The following HMG20A variants were observed in gnomAD, a reference collection of about 807,000 sequenced individuals.
HMG20A encodes high mobility group 20A.
A neutral mutation model predicts 43.9 loss-of-function variants in HMG20A; 17 were observed. That is an observed-to-expected ratio of 0.39 (90% CI 0.27 to 0.58). The LOEUF is 0.58. Ranked by LOEUF, HMG20A falls within the 20% of genes least tolerant of loss-of-function variation. HMG20A has a pLI of 0.59. For synonymous variants in HMG20A, 132 were observed against 147.5 expected, an observed-to-expected ratio of 0.89 and a Z score of 0.76; for missense variants, 341 against 438.2, an observed-to-expected ratio of 0.78 and a Z score of 1.98.
chr15:77,472,336 A>G (rs1009514470), intron 6 of HMG20A, among the ~76,000 whole-genome samples: 1 of 152,102 alleles, frequency 6.6e-6, no homozygotes, highest in Non-Finnish European at 1.5e-5. Flanking sequence ...GTGCAGTGGC[A>G]CAATCTCAGC....
chr15:77,458,323 G>T, intron 1 of HMG20A, 81 bp from the exon 2 acceptor site: 1 of 875,404 alleles, frequency 1.1e-6, no homozygotes, highest in Non-Finnish European at 1.9e-6. Flanking sequence ...TAAAGTTCAA[G>T]AAGGCTGGCT....
the HMG20A span, among the ~76,000 whole-genome samples, chr15:77,510,195 C>T: frequency 2.0e-5 from 3 of 152,160 alleles, no homozygotes; most frequent in African/African-American, 7.2e-5. Flanking sequence ...CAAACACTCA[C>T]TGGAAGGCTC....
At chr15:77,427,967 A>G (rs1295132497) in intron 1 of HMG20A, among the ~76,000 whole-genome samples, 3 of 152,218 alleles carry the variant, frequency 2.0e-5, no homozygotes, top group Admixed American at 6.5e-5. Context: ...CAGATCCTCT[A>G]AGGCCAGTGT....
intron 4 of HMG20A, among the ~76,000 whole-genome samples, chr15:77,467,999 T>TGAAAGATATCTG (rs1567404054): frequency 6.6e-6 from 1 of 152,264 alleles, no homozygotes; most frequent in East Asian, 1.9e-4. Flanking sequence ...CTTTTACGTC[T>TGAAAGATATCTG]TAAACTCTTT....
At chr15:77,506,635 G>C in the HMG20A span, among the ~76,000 whole-genome samples, 1 of 152,198 alleles carries the variant, frequency 6.6e-6, no homozygotes. Flanking sequence ...AGCCAGGGCC[G>C]CCAAAAGACA....
intron 1 of HMG20A, 97 bp from the exon 2 acceptor site, chr15:77,458,307 A>G (rs754672083): frequency 1.4e-6 from 1 of 735,594 alleles, no homozygotes; most frequent in Non-Finnish European, 2.3e-6. Flanking sequence ...TCTGTTGCTT[A>G]TATGATAAAG....
intron 4 of HMG20A, among the ~76,000 whole-genome samples, chr15:77,467,684 C>G (rs561702821): frequency 4.6e-5 from 7 of 152,258 alleles, no homozygotes; most frequent in African/African-American, 1.7e-4. Context: ...TTCTGCAGTT[C>G]ACATAAGATT....
chr15:77,475,012 T>G (rs1211772028), intron 6 of HMG20A, among the ~76,000 whole-genome samples: 1 of 152,176 alleles, frequency 6.6e-6, no homozygotes, highest in Non-Finnish European at 1.5e-5. Context: ...CAAGAAAGTG[T>G]CTATATCTCA....
intron 9 of HMG20A, among the ~76,000 whole-genome samples, chr15:77,480,456 GA>G (rs1410190116): frequency 1.3e-5 from 2 of 151,284 alleles, no homozygotes; most frequent in Non-Finnish European, 3.0e-5. Flanking sequence ...AAAAAAAAAT[GA>G]AAAAAATTAG....
the HMG20A span, among the ~76,000 whole-genome samples, chr15:77,515,212 T>C: frequency 2.0e-5 from 3 of 151,958 alleles, no homozygotes; most frequent in Non-Finnish European, 4.4e-5. Flanking sequence ...GAGTGGCCAG[T>C]GGGTACAATA....
chr15:77,460,013 T>C (rs1194579691), intron 2 of HMG20A, among the ~76,000 whole-genome samples: 2 of 152,200 alleles, frequency 1.3e-5, no homozygotes, highest in Non-Finnish European at 2.9e-5. Context: ...CAGAATTATA[T>C]GATCTGACTT....
chr15:77,510,427 G>A, the HMG20A span, among the ~76,000 whole-genome samples: 6 of 152,372 alleles, frequency 3.9e-5, no homozygotes, highest in East Asian at 1.2e-3. Flanking sequence ...CCAGGGGCCA[G>A]GATGAAAAGG....
Position 77,422,388 on chromosome 15 carries a change from C to G in HMG20A, c.-5+1384C>G, listed in dbSNP as rs147089211. Among the ~76,000 whole-genome samples the G allele has an allele frequency of 3.3e-3, 503 of 152,226 alleles. 2 individuals are homozygous for G. The highest frequency in any genetic ancestry group is 5.8e-3 in the Non-Finnish European group (394 of 68,008). On this transcript the variant is annotated intron_variant, in intron 1 of 9. Transcript: ENST00000336216. Reference sequence around the variant, plus strand: ...ATCACAGCACTTTGGGAGGCCTAGGCGGGCAGATCACGAGGTCAGGAGTTC... The same window carrying G: ...ATCACAGCACTTTGGGAGGCCTAGGGGGGCAGATCACGAGGTCAGGAGTTC...
intron 1 of HMG20A, among the ~76,000 whole-genome samples, chr15:77,425,775 C>T (rs2073420502): frequency 6.6e-6 from 1 of 152,172 alleles, no homozygotes; most frequent in African/African-American, 2.4e-5. Context: ...TGTATTTCCA[C>T]TCCTAGGTAT....
At chr15:77,424,955 TG>T (rs1219413605) in intron 1 of HMG20A, among the ~76,000 whole-genome samples, 1 of 152,108 alleles carries the variant, frequency 6.6e-6, no homozygotes, top group African/African-American at 2.4e-5. Flanking sequence ...GGATCGCCTC[TG>T]GGGGGAAAAA....
Position 77,464,267 on chromosome 15 carries a change from T to TACC in HMG20A, c.118_119insCCA (p.Ser39_Ser40insThr), listed in dbSNP as rs1433721349. ...TAAATCACCCAGAGGTTCCATACAG[T>TACC]AGTGGCGCCACATCATCCACCAACA... is the stretch of plus-strand genomic sequence containing the variant. On this transcript the variant is annotated inframe_insertion, in exon 3 of 10. Coordinates refer to ENST00000336216, the MANE Select transcript of HMG20A (RefSeq NM_001304504.2). 1 of 1,613,858 alleles carries TACC rather than the reference T, an allele frequency of 6.2e-7. No individual in the cohort carries two copies. The highest frequency in any genetic ancestry group is 1.7e-5 in the Admixed American group (1 of 60,006).
chr15:77,462,778 T>C (rs1347208648), intron 2 of HMG20A, among the ~76,000 whole-genome samples: 5 of 147,480 alleles, frequency 3.4e-5, no homozygotes, highest in Non-Finnish European at 7.5e-5. Flanking sequence ...TTTTCTTTTT[T>C]TTTTTTTTTT....
chr15:77,457,476 T>G (rs1020268617), intron 1 of HMG20A, among the ~76,000 whole-genome samples: 6 of 152,242 alleles, frequency 3.9e-5, no homozygotes, highest in African/African-American at 1.4e-4. Context: ...TGTTTGAATA[T>G]CCCTTTCATG....
chr15:77,492,991 A>G, the HMG20A span, among the ~76,000 whole-genome samples: 1 of 152,114 alleles, frequency 6.6e-6, no homozygotes, highest in Non-Finnish European at 1.5e-5. Context: ...TTCACCAGGA[A>G]GGCAGTGTAA....
Sources: allele counts gnomAD v4.1 joint callset (sites outside exome capture counted in the v4.1 genomes callset), GRCh38; gene constraint gnomAD v4.1.1; transcripts MANE v1.5; gene names NCBI Gene and HGNC (gene_info 2026-07-23, HGNC 2026-07-21).